The following MDGA2 variants were observed in gnomAD, a reference collection of about 807,000 sequenced individuals.
MDGA2 encodes MAM domain containing glycosylphosphatidylinositol anchor 2, also known as MAM domain-containing glycosylphosphatidylinositol anchor protein 2.
MDGA2 carries 40 observed loss-of-function variants against 117.8 expected under a neutral mutation model. The ratio of observed to expected loss-of-function variants is 0.34; its 90% confidence interval spans 0.26 to 0.44. MDGA2 has a LOEUF of 0.44. Among genes scored for constraint, MDGA2 ranks in the 20% least tolerant of loss-of-function variants. The pLI is 1.00. For missense variants in MDGA2, 1,123 were observed against 1,250.6 expected (o/e 0.90, Z 1.54); for synonymous variants, 452 against 439.0 (o/e 1.03, Z -0.37).
At chr14:47,078,725 A>T (rs1395500662) in intron 6 of MDGA2, among the ~76,000 whole-genome samples, 1 of 152,154 alleles carries the variant, frequency 6.6e-6, no homozygotes, top group East Asian at 1.9e-4. Context: ...AATATATAAC[A>T]TCTCCATTTC....
chr14:47,082,179 A>G (rs1341417431), intron 6 of MDGA2, among the ~76,000 whole-genome samples: 1 of 151,984 alleles, frequency 6.6e-6, no homozygotes, highest in Non-Finnish European at 1.5e-5. Flanking sequence ...ACTGAATTGC[A>G]TTTCCATTTC....
chr14:47,334,643 T>G (rs1161144460), intron 1 of MDGA2, among the ~76,000 whole-genome samples: 1 of 151,998 alleles, frequency 6.6e-6, no homozygotes, highest in Non-Finnish European at 1.5e-5. Context: ...AAATGAAAAT[T>G]AGATTATGTG....
intron 1 of MDGA2, among the ~76,000 whole-genome samples, chr14:47,379,789 C>T (rs1398873773): frequency 2.0e-5 from 3 of 152,132 alleles, no homozygotes; most frequent in Non-Finnish European, 4.4e-5. Flanking sequence ...TTTAACACTC[C>T]ACTGTCAACA....
intron 1 of MDGA2, among the ~76,000 whole-genome samples, chr14:47,435,762 T>C (rs1892884275): frequency 6.6e-6 from 1 of 152,054 alleles, no homozygotes; most frequent in East Asian, 1.9e-4. Context: ...CTGCCAACAA[T>C]ACTGTGATGG....
chr14:47,189,655 T>C (rs1885039340), intron 3 of MDGA2, among the ~76,000 whole-genome samples: 1 of 152,174 alleles, frequency 6.6e-6, no homozygotes, highest in African/African-American at 2.4e-5. Context: ...TAGACAATCA[T>C]CATTTAAAAG....
chr14:46,998,779 T>C (rs781284441), intron 8 of MDGA2, among the ~76,000 whole-genome samples: 21 of 152,180 alleles, frequency 1.4e-4, no homozygotes, highest in Admixed American at 5.9e-4. Context: ...TGTATGATTT[T>C]ATTTATATAA....
intron 6 of MDGA2, among the ~76,000 whole-genome samples, chr14:47,094,528 A>C (rs1490157799): frequency 6.6e-6 from 1 of 152,034 alleles, no homozygotes; most frequent in African/African-American, 2.4e-5. Context: ...GATTCAATAT[A>C]GTTGCAAATG....
intron 1 of MDGA2, among the ~76,000 whole-genome samples, chr14:47,602,199 G>A (rs186734105): frequency 3.9e-4 from 59 of 152,240 alleles, no homozygotes; most frequent in Non-Finnish European, 8.1e-4. Context: ...TCTATGAAAT[G>A]ACCATGTTAA....
intron 1 of MDGA2, among the ~76,000 whole-genome samples, chr14:47,383,202 C>G (rs1276166351): frequency 6.6e-6 from 1 of 151,130 alleles, no homozygotes; most frequent in African/African-American, 2.4e-5. Context: ...CGGAGCCTGT[C>G]AGGGGATGGG....
chr14:47,330,915 A>G lies in MDGA2; in HGVS notation c.281-29365T>C, dbSNP rs75606618. Among the ~76,000 whole-genome samples, 2,192 of 152,022 alleles carry G rather than the reference A, an allele frequency of 0.014. 66 individuals are homozygous for G. The East Asian group carries it at 0.15, about 10-fold the overall frequency. ...TCAATAAAGTCAAAAGGTAGTTTCT[A>G]TGAAAAAATTAGACATTAATAGACT... is the stretch of plus-strand genomic sequence containing the variant. On this transcript the variant is annotated intron_variant, in intron 1 of 16. Transcript: ENST00000399232.
chr14:47,061,231 T>C lies in MDGA2; in HGVS notation c.1525+18A>G. 4 of 1,585,272 alleles carry C rather than the reference T, an allele frequency of 2.5e-6. No homozygotes were observed. The highest frequency in any genetic ancestry group is 3.5e-6 in the Non-Finnish European group (4 of 1,157,188). On this transcript the variant is annotated intron_variant, in intron 7 of 16. Transcript: ENST00000399232. The stretch of plus-strand genomic sequence containing the variant: ...CTAAATGTGAACATCTTTTACATCA[T>C]AAATATATGCCTCTTACCTGTGCTG...
intron 2 of MDGA2, among the ~76,000 whole-genome samples, chr14:47,272,503 T>C (rs1377758970): frequency 6.6e-6 from 1 of 152,166 alleles, no homozygotes; most frequent in Non-Finnish European, 1.5e-5. Context: ...ACCTATCCTC[T>C]GCCCTTCTAG....
intron 3 of MDGA2, among the ~76,000 whole-genome samples, chr14:47,158,411 T>A (rs1192654493): frequency 6.6e-6 from 1 of 151,666 alleles, no homozygotes; most frequent in Non-Finnish European, 1.5e-5. Flanking sequence ...CATGTACGCA[T>A]ATAATGTATA....
intron 1 of MDGA2, among the ~76,000 whole-genome samples, chr14:47,489,104 G>A (rs1051531853): frequency 1.3e-5 from 2 of 151,884 alleles, no homozygotes; most frequent in Non-Finnish European, 2.9e-5. Flanking sequence ...AAAAGATGTG[G>A]ACAATTTAAG....
Position 47,286,698 on chromosome 14 carries a change from A to T in MDGA2, c.420+14713T>A, listed in dbSNP as rs527358421. ...TGAATGGTGCTGCAATAGATCCCAT[A>T]TATTTTACCCTCCAGAGCAGGACAC... On this transcript the variant is annotated intron_variant, in intron 2 of 16. Coordinates refer to ENST00000399232, the MANE Select transcript of MDGA2 (RefSeq NM_001113498.3). Among the ~76,000 whole-genome samples, 333 of 151,598 alleles carry T rather than the reference A, an allele frequency of 2.2e-3. 3 individuals carry two copies. The highest frequency in any genetic ancestry group is 1.9e-3 in the East Asian group (10 of 5,136).
At chr14:47,612,210 AGAT>A (rs1896861388) in intron 1 of MDGA2, among the ~76,000 whole-genome samples, 1 of 25,700 alleles carries the variant, frequency 3.9e-5, no homozygotes, top group Admixed American at 4.2e-4. Flanking sequence ...ATAGATAGAC[AGAT>A]AGATAGATAG....
intron 2 of MDGA2, among the ~76,000 whole-genome samples, chr14:47,268,836 C>T (rs1468880531): frequency 6.6e-6 from 1 of 152,082 alleles, no homozygotes. Context: ...AAATTATTGG[C>T]AATGTTAATG....
At chr14:47,654,525 C>G (rs1324561195) in intron 1 of MDGA2, among the ~76,000 whole-genome samples, 2 of 152,034 alleles carry the variant, frequency 1.3e-5, no homozygotes, top group Non-Finnish European at 2.9e-5. Context: ...CTCAAAAGAG[C>G]CACAGGACCC....
chr14:47,249,720 A>G (rs1887381127), intron 2 of MDGA2, among the ~76,000 whole-genome samples: 1 of 152,066 alleles, frequency 6.6e-6, no homozygotes, highest in African/African-American at 2.4e-5. Flanking sequence ...ATTTTTTTTT[A>G]GAGAAACAGT....
Sources: allele counts gnomAD v4.1 joint callset (sites outside exome capture counted in the v4.1 genomes callset), GRCh38; gene constraint gnomAD v4.1.1; transcripts MANE v1.5; gene names NCBI Gene and HGNC (gene_info 2026-07-23, HGNC 2026-07-21).